PKD1L3: variants seen among roughly 807,000 people sequenced by gnomAD.
PKD1L3 encodes the protein polycystin-1-like protein 3.
Under a neutral mutation model 184.1 loss-of-function variants are expected in PKD1L3, and 239 were observed. That is an observed-to-expected ratio of 1.30 (90% CI 1.17 to 1.45). The LOEUF is 1.45. Among genes scored for constraint, PKD1L3 ranks in the 40% most tolerant of loss-of-function variants. The pLI is 0.00. For synonymous variants in PKD1L3, 996 were observed against 778.8 expected (o/e 1.28, Z -4.64); for missense variants, 2,660 against 2,067.2 (o/e 1.29, Z -5.56).
At chr16:71,934,365 G>T (rs1354038265) in intron 26 of PKD1L3, among the ~76,000 whole-genome samples, 2 of 152,140 alleles carry the variant, frequency 1.3e-5, no homozygotes, top group Non-Finnish European at 2.9e-5. Flanking sequence ...TGCCGAAGAA[G>T]CCTTAAAATG....
intron 16 of PKD1L3, among the ~76,000 whole-genome samples, chr16:71,956,420 G>A (rs1434981030): frequency 2.6e-5 from 4 of 151,058 alleles, no homozygotes; most frequent in Admixed American, 1.3e-4. Context: ...CTCAAACTCC[G>A]GACCTCTGGT....
chr16:71,994,407 G>C (rs2040706202), intron 2 of PKD1L3, among the ~76,000 whole-genome samples: 1 of 152,050 alleles, frequency 6.6e-6, no homozygotes, highest in Non-Finnish European at 1.5e-5. Context: ...ATCAAATCTA[G>C]CTGTCTACCA....
At chr16:71,986,568 GA>G in intron 4 of PKD1L3, 99 bp from the exon 5 acceptor site, 1 of 1,304,702 alleles carries the variant, frequency 7.7e-7, no homozygotes, top group Non-Finnish European at 1.0e-6. Flanking sequence ...TCTGTCCTAT[GA>G]GATACTAATA....
At chr16:71,952,573 G>A (rs931968472) in intron 18 of PKD1L3, among the ~76,000 whole-genome samples, 1 of 151,002 alleles carries the variant, frequency 6.6e-6, no homozygotes, top group Admixed American at 6.6e-5. Flanking sequence ...GGTGGCTTAC[G>A]CCTGAAATCC....
Position 71,978,386 on chromosome 16 carries a change from A to G in PKD1L3, c.1399-3T>C, listed in dbSNP as rs750029572. 134 of 1,547,048 alleles carry G rather than the reference A, an allele frequency of 8.7e-5. 3 individuals are homozygous for G. Among genetic ancestry groups the G allele is most frequent in the Non-Finnish European group, 1.1e-4 (127 of 1,144,270 alleles). ...GGATTGAAAGCTAGTCCTGTTATCT[A>G]AAGACAAAGAGAAGCCCAGTTTTAT... On this transcript the variant is annotated splice_polypyrimidine_tract_variant and splice_region_variant and intron_variant, in intron 9 of 29. Transcript: ENST00000620267.
At chr16:71,962,157 C>T (rs1385317484) in intron 16 of PKD1L3, among the ~76,000 whole-genome samples, 2 of 152,178 alleles carry the variant, frequency 1.3e-5, no homozygotes, top group South Asian at 4.1e-4. Context: ...CTCCTGGCCT[C>T]AAGTGATTTG....
chr16:71,964,223 C>G (rs1407860429), intron 15 of PKD1L3, among the ~76,000 whole-genome samples: 1 of 150,128 alleles, frequency 6.7e-6, no homozygotes, highest in Non-Finnish European at 1.5e-5. Flanking sequence ...AACTATTCGG[C>G]AAACCTCCTC....
chr16:71,959,903 A>G (rs563702084), intron 16 of PKD1L3, among the ~76,000 whole-genome samples: 2 of 152,344 alleles, frequency 1.3e-5, no homozygotes, highest in East Asian at 3.9e-4. Flanking sequence ...AGATCACTTG[A>G]ACCCAGGAGT....
intron 10 of PKD1L3, 145 bp downstream of exon 10, chr16:71,978,110 T>C: frequency 2.0e-6 from 2 of 1,007,774 alleles, no homozygotes; most frequent in Non-Finnish European, 2.8e-6. Context: ...GGTGTATCTC[T>C]TTGTAAAAGT....
intron 1 of PKD1L3, 26 bp from the exon 2 acceptor site, chr16:71,998,420 G>C: frequency 2.0e-6 from 3 of 1,528,588 alleles, no homozygotes; most frequent in Non-Finnish European, 2.6e-6. Flanking sequence ...ACGCAGATGA[G>C]CCTCATACTC....
rs560987215 is a variant in PKD1L3, at chr16:71,963,233, C to G, written c.2584G>C (p.Val862Leu). ...DCELDRVFIP[V>L]SKRELFSFRH... ...AAGGAAAAGAGCTCTCTCTTTGAAACTGGGATGAAGACCCGGTCAAGCTCA... is the reference window on the plus strand; with the variant it reads ...AAGGAAAAGAGCTCTCTCTTTGAAAGTGGGATGAAGACCCGGTCAAGCTCA... Residue 862 changes from valine to leucine, a missense_variant, in exon 16 of 30, where the codon GTT becomes CTT. By Grantham distance (32) the Val-to-Leu change is conservative. Transcript: ENST00000620267. The G allele has an allele frequency of 6.4e-6, 10 of 1,550,824 alleles. No individual in the cohort carries two copies. The highest frequency in any genetic ancestry group is 2.4e-5 in the East Asian group (1 of 40,890).
intron 18 of PKD1L3, among the ~76,000 whole-genome samples, chr16:71,952,133 A>G (rs1362882048): frequency 2.7e-5 from 4 of 150,630 alleles, no homozygotes; most frequent in African/African-American, 4.9e-5. Flanking sequence ...CAGGACCCTG[A>G]CAGCCTCCCA....
intron 11 of PKD1L3, among the ~76,000 whole-genome samples, chr16:71,975,251 T>G (rs1228590985): frequency 1.4e-5 from 2 of 148,070 alleles, no homozygotes; most frequent in African/African-American, 5.0e-5. Context: ...GGAGACAGAG[T>G]CTCGCTCTGT....
At chr16:71,977,561 T>TTCCAA in intron 10 of PKD1L3, 94 bp from the exon 11 acceptor site, 2 of 392,194 alleles carry the variant, frequency 5.1e-6, no homozygotes, top group Non-Finnish European at 7.9e-6. Flanking sequence ...GTCCTAGCTC[T>TTCCAA]TTTTTTTTTT....
intron 24 of PKD1L3, among the ~76,000 whole-genome samples, chr16:71,939,974 C>G (rs192754830): frequency 6.6e-6 from 1 of 152,200 alleles, no homozygotes; most frequent in Non-Finnish European, 1.5e-5. Flanking sequence ...TTCAAGAAAG[C>G]TGAAATCTAA....
Position 71,953,038 on chromosome 16 carries a change from G to GAC in PKD1L3, c.2863_2864dup (p.Ile956SerfsTer10). The GAC allele has an allele frequency of 6.5e-7, 1 of 1,547,952 alleles. No homozygotes were observed. Among genetic ancestry groups the GAC allele is most frequent in the East Asian group, 2.5e-5 (1 of 40,628 alleles). On this transcript the variant is annotated frameshift_variant, in exon 18 of 30. Transcript: ENST00000620267. LOFTEE classifies it high-confidence loss of function. ...TGACAAGATTGATTGGGAAGAGGAT[G>GAC]ACAGCAGTATGGATGCTGACCAGCA...
intron 4 of PKD1L3, among the ~76,000 whole-genome samples, chr16:71,987,933 A>C (rs901503459): frequency 2.6e-5 from 4 of 152,132 alleles, no homozygotes; most frequent in Non-Finnish European, 5.9e-5. Context: ...CAAGGAAGCT[A>C]GAGGAGTGAT....
rs763849972 is a variant in PKD1L3 at position 71,947,619 on chromosome 16, G to A, written c.3619-28C>T. 7 of 1,421,472 alleles carry A rather than the reference G, an allele frequency of 4.9e-6. No individual in the cohort carries two copies. In the South Asian group the frequency reaches 4.9e-5, roughly 10 times the overall value. 88.1% of individuals were successfully genotyped at this position (1,421,472 alleles called of 1,614,324 possible). The stretch of plus-strand genomic sequence containing the variant: ...GGGCAGGAGAATCACAGAACATCGT[G>A]AGCAGACATTACAGACCCAGGAAGA... On this transcript the variant is annotated intron_variant, in intron 21 of 29. Transcript: ENST00000620267.
At chr16:71,938,829 C>T (rs927324177) in intron 24 of PKD1L3, among the ~76,000 whole-genome samples, 1 of 152,220 alleles carries the variant, frequency 6.6e-6, no homozygotes, top group Non-Finnish European at 1.5e-5. Context: ...AGCTCCTCTC[C>T]ACCTCTCTCA....
Sources: gnomAD v4.1 joint callset for allele counts (sites outside exome capture counted in the v4.1 genomes callset) on GRCh38, gnomAD v4.1.1 for gene constraint, MANE v1.5 for transcripts, NCBI Gene and HGNC (gene_info 2026-07-23, HGNC 2026-07-21) for gene names.